Variants in MAPT observed in about 807,000 individuals in gnomAD.
The protein encoded by MAPT is microtubule associated protein tau.
Under a neutral mutation model 67.9 loss-of-function variants are expected in MAPT, and 34 were observed. The observed-to-expected ratio is 0.50, with a 90% CI of 0.38 to 0.67. The LOEUF is 0.67. Among genes scored for constraint, MAPT ranks in the 30% least tolerant of loss-of-function variants. The pLI, the probability that MAPT is intolerant of heterozygous loss-of-function variation, is 0.00. For synonymous variants in MAPT, 456 were observed against 464.5 expected, an observed-to-expected ratio of 0.98 and a Z score of 0.23; for missense variants, 881 against 1,115.2, an observed-to-expected ratio of 0.79 and a Z score of 2.99.
intron 2 of MAPT, among the ~76,000 whole-genome samples, chr17:45,966,908 T>C (rs1218577382): frequency 2.6e-5 from 4 of 152,220 alleles, no homozygotes; most frequent in Non-Finnish European, 5.9e-5. Flanking sequence ...CCAAAGAATA[T>C]ACTTTCCAAG....
At chr17:45,992,362 C>T (rs2074127035) in intron 8 of MAPT, among the ~76,000 whole-genome samples, 1 of 152,170 alleles carries the variant, frequency 6.6e-6, no homozygotes, top group Non-Finnish European at 1.5e-5. Flanking sequence ...ACAAATGTCT[C>T]TGGAGACAGA....
At chr17:46,011,921 C>G (rs1012822261) in intron 10 of MAPT, among the ~76,000 whole-genome samples, 2 of 152,184 alleles carry the variant, frequency 1.3e-5, no homozygotes, top group African/African-American at 4.8e-5. Flanking sequence ...ATGGGGCTAA[C>G]TAACGCTTCC....
Position 46,000,581 on chromosome 17 carries a change from C to G in MAPT, c.1998+3917C>G, listed in dbSNP as rs142469318. ...GGGAAGAGGGAATTCTTTTAAACAT[C>G]ATTCCAGTGCCCGAGCCTCCTGGAC... On this transcript the variant is annotated intron_variant, in intron 9 of 12. Transcript: ENST00000262410. Among the ~76,000 whole-genome samples, 399 of 152,248 alleles carry G rather than the reference C, an allele frequency of 2.6e-3. 2 individuals are homozygous for G. Among genetic ancestry groups the G allele is most frequent in the African/African-American group, 9.4e-3 (392 of 41,540 alleles).
chr17:45,924,040 C>T (rs1222248858), intron 1 of MAPT, among the ~76,000 whole-genome samples: 1 of 152,196 alleles, frequency 6.6e-6, no homozygotes, highest in Non-Finnish European at 1.5e-5. Context: ...CCCTTAAATA[C>T]ATTCTTTGTT....
intron 1 of MAPT, among the ~76,000 whole-genome samples, chr17:45,951,113 C>T (rs1241481131): frequency 6.6e-6 from 1 of 152,186 alleles, no homozygotes; most frequent in African/African-American, 2.4e-5. Flanking sequence ...CACCAAAAGC[C>T]ACGTGCTGTG....
At chr17:45,936,293 AC>A (rs1238463875) in intron 1 of MAPT, among the ~76,000 whole-genome samples, 1 of 152,120 alleles carries the variant, frequency 6.6e-6, no homozygotes, top group Non-Finnish European at 1.5e-5. Context: ...GGTCTTCCCA[AC>A]TGCTCAGCCA....
chr17:46,000,563 G>T (rs2074917033), intron 9 of MAPT, among the ~76,000 whole-genome samples: 1 of 152,222 alleles, frequency 6.6e-6, no homozygotes, highest in African/African-American at 2.4e-5. Context: ...GGCGGGAAGA[G>T]GGAATTCTTT....
At chr17:45,928,565 TAC>T (rs1403010260) in intron 1 of MAPT, among the ~76,000 whole-genome samples, 1 of 152,146 alleles carries the variant, frequency 6.6e-6, no homozygotes, top group Non-Finnish European at 1.5e-5. Flanking sequence ...CTACCTTAAC[TAC>T]ACATTAGAAT....
chr17:45,952,565 G>A (rs1208296438), intron 1 of MAPT, among the ~76,000 whole-genome samples: 2 of 152,150 alleles, frequency 1.3e-5, no homozygotes, highest in African/African-American at 2.4e-5. Context: ...CAGGTGGATC[G>A]CTTGAGCCCT....
At chr17:45,898,033 T>C (rs2063380404) in intron 1 of MAPT, 1 of 147,786 alleles carries the variant, frequency 6.8e-6, no homozygotes, top group Non-Finnish European at 1.5e-5. Context: ...TATAAGCATC[T>C]CCAAATCCTC....
intron 1 of MAPT, among the ~76,000 whole-genome samples, chr17:45,919,555 C>T (rs2065502072): frequency 6.6e-6 from 1 of 152,194 alleles, no homozygotes; most frequent in Non-Finnish European, 1.5e-5. Flanking sequence ...ACCTTCCCCT[C>T]CCTACCTTCC....
At chr17:46,011,564 C>CT (rs2075820655) in intron 10 of MAPT, among the ~76,000 whole-genome samples, 1 of 152,156 alleles carries the variant, frequency 6.6e-6, no homozygotes, top group African/African-American at 2.4e-5. Flanking sequence ...CCTGGCCGGT[C>CT]TATGTCGACT....
intron 1 of MAPT, among the ~76,000 whole-genome samples, chr17:45,909,283 A>T (rs928799952): frequency 1.3e-5 from 2 of 152,048 alleles, no homozygotes; most frequent in African/African-American, 4.8e-5. Flanking sequence ...TGTCACGGGG[A>T]CTCCACTACT....
chr17:45,941,108 C>A (rs1372594297), intron 1 of MAPT, among the ~76,000 whole-genome samples: 3 of 152,210 alleles, frequency 2.0e-5, no homozygotes, highest in Non-Finnish European at 4.4e-5. Flanking sequence ...AGGCTGAGGC[C>A]TGACCAAACC....
rs554472642 is a variant in MAPT at position 45,988,057 on chromosome 17, G to A, written c.1407+962G>A. Reference sequence around the variant, plus strand: ...CTATTACCCTGGGCCTCGGCCAGCTGGGGAGTGCTGCTGGTGGAGAGGGGC... The same window carrying A: ...CTATTACCCTGGGCCTCGGCCAGCTAGGGAGTGCTGCTGGTGGAGAGGGGC... On this transcript the variant is annotated intron_variant, in intron 6 of 12. Coordinates refer to ENST00000262410, the MANE Select transcript of MAPT (RefSeq NM_001377265.1). Among the ~76,000 whole-genome samples, 3 of 152,318 alleles carry A rather than the reference G, an allele frequency of 2.0e-5. No homozygotes were observed. In the East Asian group the frequency reaches 5.8e-4, roughly 29 times the overall value.
intron 10 of MAPT, 57 bp from the exon 11 acceptor site, chr17:46,014,186 C>T: frequency 2.0e-6 from 2 of 985,492 alleles, no homozygotes; most frequent in East Asian, 2.4e-5. Context: ...CTTTTTGTCT[C>T]TCTGTCTTCC....
chr17:45,935,303 A>G (rs2067223115), intron 1 of MAPT, among the ~76,000 whole-genome samples: 1 of 151,172 alleles, frequency 6.6e-6, no homozygotes, highest in South Asian at 2.1e-4. Flanking sequence ...AATTTCTCTC[A>G]CAAGGCTTTG....
chr17:45,968,554 G>T (rs755159705), intron 2 of MAPT, among the ~76,000 whole-genome samples: 1 of 152,158 alleles, frequency 6.6e-6, no homozygotes, highest in Non-Finnish European at 1.5e-5. Context: ...GCAATTTCCA[G>T]ACTAAAAGTC....
At chr17:46,013,931 G>A (rs1255961200) in intron 10 of MAPT, among the ~76,000 whole-genome samples, 1 of 152,198 alleles carries the variant, frequency 6.6e-6, no homozygotes, top group Non-Finnish European at 1.5e-5. Context: ...TCTGGGTCTT[G>A]CACAATGACA....
Sources: allele counts gnomAD v4.1 joint callset (sites outside exome capture counted in the v4.1 genomes callset), GRCh38; gene constraint gnomAD v4.1.1; transcripts MANE v1.5; gene names NCBI Gene and HGNC (gene_info 2026-07-23, HGNC 2026-07-21).